The following GNA12 variants were observed in gnomAD, a reference collection of about 807,000 sequenced individuals.
GNA12 encodes G protein subunit alpha 12.
In GNA12, 9 loss-of-function variants were observed where a neutral mutation model predicts 26.0. That is an observed-to-expected ratio of 0.35 (90% CI 0.21 to 0.60). The LOEUF (loss-of-function observed/expected upper bound fraction) is 0.60. Ranked by LOEUF, GNA12 falls within the 20% of genes least tolerant of loss-of-function variation. The probability of loss-of-function intolerance (pLI) is 0.78; values close to 1 mark genes in which losing one functional copy is unlikely to be tolerated. For synonymous variants in GNA12, 264 were observed against 219.6 expected, an observed-to-expected ratio of 1.20 and a Z score of -1.79; for missense variants, 405 against 525.8, an observed-to-expected ratio of 0.77 and a Z score of 2.25.
intron 2 of GNA12, among the ~76,000 whole-genome samples, chr7:2,784,504 T>C (rs916038062): frequency 1.3e-5 from 2 of 152,274 alleles, no homozygotes. Flanking sequence ...CTTTATGTTT[T>C]GACACAAACT....
chr7:2,772,365 T>C (rs1791970327), intron 2 of GNA12, among the ~76,000 whole-genome samples: 1 of 152,012 alleles, frequency 6.6e-6, no homozygotes, highest in Admixed American at 6.6e-5. Context: ...CTCGAGACCA[T>C]CCTGGCTAAA....
intron 2 of GNA12, among the ~76,000 whole-genome samples, chr7:2,768,118 G>C (rs1791852659): frequency 6.6e-6 from 1 of 152,246 alleles, no homozygotes; most frequent in African/African-American, 2.4e-5. Context: ...GCCTCCCAAA[G>C]TGTTGGGATT....
intron 1 of GNA12, chr7:2,814,373 G>A: frequency 6.3e-7 from 1 of 1,596,112 alleles, no homozygotes. Flanking sequence ...GTTTCCATCT[G>A]GTGTGCTTCC....
chr7:2,843,741 A>G (rs1236762656), intron 1 of GNA12, 112 bp downstream of exon 1: 4 of 475,886 alleles, frequency 8.4e-6, no homozygotes, highest in African/African-American at 2.1e-5. Context: ...TGGATCCAGC[A>G]TCCTCGCCCC....
At chr7:2,758,212 A>AACT (rs1220548419) in intron 2 of GNA12, among the ~76,000 whole-genome samples, 1 of 152,160 alleles carries the variant, frequency 6.6e-6, no homozygotes, top group African/African-American at 2.4e-5. Context: ...TAGAAATGAA[A>AACT]ACTCAGAGCT....
At chr7:2,828,588 G>T (rs1023711352) in intron 1 of GNA12, among the ~76,000 whole-genome samples, 5 of 152,214 alleles carry the variant, frequency 3.3e-5, no homozygotes, top group African/African-American at 4.8e-5. Flanking sequence ...GCTGGCTGCA[G>T]GTGGCTGCCC....
chr7:2,829,172 A>G (rs1793547562), intron 1 of GNA12, among the ~76,000 whole-genome samples: 1 of 152,218 alleles, frequency 6.6e-6, no homozygotes, highest in Admixed American at 6.5e-5. Context: ...CTATTCGTAC[A>G]AAAGGCCCTT....
intron 2 of GNA12, among the ~76,000 whole-genome samples, chr7:2,745,442 T>G (rs1328780673): frequency 4.6e-5 from 7 of 152,144 alleles, no homozygotes; most frequent in African/African-American, 1.7e-4. Flanking sequence ...GAAGGAGAAA[T>G]AAAATACTTT....
intron 1 of GNA12, 72 bp downstream of exon 1, chr7:2,843,781 G>A: frequency 5.0e-6 from 4 of 793,466 alleles, no homozygotes; most frequent in Non-Finnish European, 7.2e-6. Context: ...GGCGGACCAC[G>A]GAGGGGCCCG....
intron 2 of GNA12, among the ~76,000 whole-genome samples, chr7:2,786,953 G>A (rs1792377502): frequency 6.6e-6 from 1 of 152,180 alleles, no homozygotes; most frequent in Admixed American, 6.5e-5. Context: ...GAAGACACCA[G>A]ATGCCACTGT....
At chr7:2,803,387 G>T (rs1219268944) in intron 1 of GNA12, among the ~76,000 whole-genome samples, 1 of 152,222 alleles carries the variant, frequency 6.6e-6, no homozygotes, top group Non-Finnish European at 1.5e-5. Context: ...TGCAGGTCCC[G>T]TGGCAGGTGG....
intron 1 of GNA12, chr7:2,815,126 G>T (rs780849121): frequency 3.7e-6 from 3 of 810,984 alleles, no homozygotes; most frequent in Non-Finnish European, 5.6e-6. Flanking sequence ...AGGCTTCCAA[G>T]CTCACTGGAG....
intron 2 of GNA12, among the ~76,000 whole-genome samples, chr7:2,737,853 TAG>T (rs1315347401): frequency 6.6e-6 from 1 of 152,200 alleles, no homozygotes; most frequent in African/African-American, 2.4e-5. Flanking sequence ...TTCCACTGAA[TAG>T]AGACGCTAGC....
intron 1 of GNA12, among the ~76,000 whole-genome samples, chr7:2,795,680 G>A (rs1792648919): frequency 6.6e-6 from 1 of 151,046 alleles, no homozygotes; most frequent in African/African-American, 2.4e-5. Flanking sequence ...ATGTACATAA[G>A]CACCACAGAA....
intron 1 of GNA12, among the ~76,000 whole-genome samples, chr7:2,841,822 G>A (rs1370919315): frequency 1.3e-5 from 2 of 152,088 alleles, no homozygotes; most frequent in South Asian, 2.1e-4. Context: ...AGGTTTCTAC[G>A]GGGCTTTGCT....
At chr7:2,742,231 C>A (rs1292806245) in intron 2 of GNA12, among the ~76,000 whole-genome samples, 1 of 151,920 alleles carries the variant, frequency 6.6e-6, no homozygotes, top group Non-Finnish European at 1.5e-5. Context: ...CCCATTTTGG[C>A]CAGGCTGGTC....
intron 2 of GNA12, among the ~76,000 whole-genome samples, chr7:2,738,131 T>A (rs1474203222): frequency 6.6e-6 from 1 of 152,060 alleles, no homozygotes; most frequent in Non-Finnish European, 1.5e-5. Flanking sequence ...CCCCAAATAT[T>A]AGGTAAGAGG....
chr7:2,755,140 C>T (rs1305773801), intron 2 of GNA12, among the ~76,000 whole-genome samples: 2 of 152,186 alleles, frequency 1.3e-5, no homozygotes, highest in Non-Finnish European at 2.9e-5. Context: ...TCTCCCTGCG[C>T]CAGCACCACA....
Position 2,768,356 on chromosome 7 carries a change from C to A in GNA12, c.525+26572G>T, listed in dbSNP as rs1024492520. ...TCTCAGCTTCAAAGTCATGTCACTT[C>A]ATCCAGTGAAGATCAGTAGCCTTCC... On this transcript the variant is annotated intron_variant, in intron 2 of 3. Transcript: ENST00000275364. 2.0e-5 allele frequency among the ~76,000 whole-genome samples: 3 copies of A among 152,222 alleles called. No individual in the cohort carries two copies. The South Asian group carries it at 6.2e-4, about 32-fold the overall frequency.
Sources: gnomAD v4.1 joint callset for allele counts (sites outside exome capture counted in the v4.1 genomes callset) on GRCh38, gnomAD v4.1.1 for gene constraint, MANE v1.5 for transcripts, NCBI Gene and HGNC (gene_info 2026-07-23, HGNC 2026-07-21) for gene names.